The following DPYSL2 variants were observed in gnomAD, a reference collection of about 807,000 sequenced individuals.
DPYSL2 encodes the protein dihydropyrimidinase like 2.
DPYSL2 carries 13 observed loss-of-function variants against 69.9 expected under a neutral mutation model. The ratio of observed to expected loss-of-function variants is 0.19; its 90% CI spans 0.12 to 0.30. DPYSL2 has a LOEUF of 0.30. DPYSL2 is among the 10% of genes least tolerant of loss of function. DPYSL2 has a pLI of 1.00. For missense variants in DPYSL2, 587 were observed against 918.9 expected, an observed-to-expected ratio of 0.64 and a Z score of 4.67; for synonymous variants, 326 against 359.1, an observed-to-expected ratio of 0.91 and a Z score of 1.04.
intron 1 of DPYSL2, among the ~76,000 whole-genome samples, chr8:26,525,146 T>C (rs1446851250): frequency 3.9e-5 from 6 of 152,190 alleles, no homozygotes; most frequent in Non-Finnish European, 5.9e-5. Context: ...TTTGTAGTCA[T>C]TCTGACTTTA....
intron 1 of DPYSL2, among the ~76,000 whole-genome samples, chr8:26,548,914 C>T (rs912843403): frequency 4.0e-5 from 6 of 151,294 alleles, no homozygotes; most frequent in East Asian, 1.9e-4. Context: ...ATAGGCCGGG[C>T]GCAGTGGCTC....
intron 1 of DPYSL2, among the ~76,000 whole-genome samples, chr8:26,570,455 C>A (rs1801218466): frequency 2.0e-5 from 3 of 152,084 alleles, no homozygotes; most frequent in Admixed American, 2.0e-4. Context: ...AAAGAACTAG[C>A]CTTGGCCAGG....
chr8:26,529,424 G>A (rs1377293135), intron 1 of DPYSL2, among the ~76,000 whole-genome samples: 1 of 151,834 alleles, frequency 6.6e-6, no homozygotes, highest in African/African-American at 2.4e-5. Context: ...TGAACTCCTG[G>A]GCTCATGTGA....
rs1808251460 is a variant in DPYSL2 at position 26,514,897 on chromosome 8, C to G, written c.354+218C>G. Among the ~76,000 whole-genome samples the G allele has an allele frequency of 6.6e-6, 1 of 152,166 alleles. No individual in the cohort carries two copies. Among genetic ancestry groups the G allele is most frequent in the Non-Finnish European group, 1.5e-5 (1 of 68,018 alleles). On this transcript the variant is annotated intron_variant, in intron 1 of 13. Coordinates refer to ENST00000521913, the MANE Select transcript of DPYSL2 (RefSeq NM_001197293.3). This position sits in a 1 kb window ranked among gnomAD's most constrained non-coding sequence, Gnocchi z 8.4. The stretch of plus-strand genomic sequence containing the variant: ...GTGCGCCCACAAAGGCTGCCCGCGT[C>G]TCCTTGAGCTTGAGAGGTGGGGCGT...
intron 1 of DPYSL2, among the ~76,000 whole-genome samples, chr8:26,581,144 A>G (rs1801483215): frequency 6.6e-6 from 1 of 152,252 alleles, no homozygotes; most frequent in African/African-American, 2.4e-5. Flanking sequence ...GCTGTGATTT[A>G]CCTCAAAGAT....
intron 1 of DPYSL2, among the ~76,000 whole-genome samples, chr8:26,543,660 T>C (rs1449670469): frequency 6.6e-6 from 1 of 152,196 alleles, no homozygotes; most frequent in Non-Finnish European, 1.5e-5. Context: ...GCTAATTTTA[T>C]ATTTTTAGTA....
At chr8:26,611,435 T>C (rs925414032) in intron 3 of DPYSL2, among the ~76,000 whole-genome samples, 1 of 152,088 alleles carries the variant, frequency 6.6e-6, no homozygotes, top group African/African-American at 2.4e-5. Context: ...GACACGGTGG[T>C]GGTGGGGCCA....
Position 26,605,312 on chromosome 8 carries a change from A to AT in DPYSL2, c.629-18822dup, listed in dbSNP as rs568178323. On this transcript the variant is annotated intron_variant, in intron 3 of 13. Coordinates refer to ENST00000521913, the MANE Select transcript of DPYSL2 (RefSeq NM_001197293.3). The surrounding 1 kb of genome is among the most constrained non-coding windows in gnomAD (Gnocchi z 4.1). ...GGGGAGAAAATATAAGATTATTACT[A>AT]TTTTTTTTTATTGCCCAGGCTGGAG... Among the ~76,000 whole-genome samples, 5 of 151,004 alleles carry AT rather than the reference A, an allele frequency of 3.3e-5. No individual in the cohort carries two copies. The highest frequency in any genetic ancestry group is 2.1e-4 in the South Asian group (1 of 4,774).
intron 1 of DPYSL2, among the ~76,000 whole-genome samples, chr8:26,575,059 G>C (rs957493520): frequency 1.8e-4 from 28 of 152,156 alleles, no homozygotes; most frequent in African/African-American, 6.0e-4. Context: ...TCAGCCTCCC[G>C]AATGGCTGGG....
chr8:26,612,148 T>C (rs1439355560), intron 3 of DPYSL2, among the ~76,000 whole-genome samples: 1 of 152,176 alleles, frequency 6.6e-6, no homozygotes, highest in Non-Finnish European at 1.5e-5. Flanking sequence ...GACAGCCTGG[T>C]AGAGTGAAAA....
At chr8:26,623,535 A>G (rs548118184) in intron 3 of DPYSL2, among the ~76,000 whole-genome samples, 1 of 152,194 alleles carries the variant, frequency 6.6e-6, no homozygotes, top group Non-Finnish European at 1.5e-5. Context: ...GCTTGCATCC[A>G]AAGTCCTCAG....
rs1481634303 is a variant in DPYSL2, at chr8:26,516,155, T to G, written c.354+1476T>G. Among the ~76,000 whole-genome samples, 1 of 152,224 alleles carries G rather than the reference T, an allele frequency of 6.6e-6. No homozygotes were observed. The highest frequency in any genetic ancestry group is 1.5e-5 in the Non-Finnish European group (1 of 68,044). ...TCCAACCCCAGCCCTGCCCTCTAAT[T>G]TATTCATATAAGGGAGTGTCTCATA... On this transcript the variant is annotated intron_variant, in intron 1 of 13. Coordinates refer to ENST00000521913, the MANE Select transcript of DPYSL2 (RefSeq NM_001197293.3). This position sits in a 1 kb window ranked among gnomAD's most constrained non-coding sequence, Gnocchi z 4.8.
chr8:26,546,921 C>CAAAAAAAAAA (rs61360009), intron 1 of DPYSL2, among the ~76,000 whole-genome samples: 4 of 46,206 alleles, frequency 8.7e-5, no homozygotes, highest in Admixed American at 7.9e-4. Flanking sequence ...GACTCAGTCT[C>CAAAAAAAAAA]AAAAAAAAAA....
Position 26,610,137 on chromosome 8 carries a change from C to T in DPYSL2, c.629-14006C>T, listed in dbSNP as rs912896170. Among the ~76,000 whole-genome samples the T allele has an allele frequency of 3.3e-5, 5 of 152,176 alleles. No homozygotes were observed. Among genetic ancestry groups the T allele is most frequent in the East Asian group, 1.9e-4 (1 of 5,188 alleles). Reference sequence around the variant, plus strand: ...TGGAGATGTAACTGTCGTGATGTTTCGTGGGATCTGCAAGAGCCTGTAGCG... The same window carrying T: ...TGGAGATGTAACTGTCGTGATGTTTTGTGGGATCTGCAAGAGCCTGTAGCG... On this transcript the variant is annotated intron_variant, in intron 3 of 13. Transcript: ENST00000521913. This position sits in a 1 kb window ranked among gnomAD's most constrained non-coding sequence, Gnocchi z 4.5.
chr8:26,605,768 A>G lies in DPYSL2; in HGVS notation c.629-18375A>G, dbSNP rs1169677182. Among the ~76,000 whole-genome samples, 1 of 152,194 alleles carries G rather than the reference A, an allele frequency of 6.6e-6. No individual in the cohort carries two copies. Among genetic ancestry groups the G allele is most frequent in the Non-Finnish European group, 1.5e-5 (1 of 68,034 alleles). On this transcript the variant is annotated intron_variant, in intron 3 of 13. Transcript: ENST00000521913. This position sits in a 1 kb window ranked among gnomAD's most constrained non-coding sequence, Gnocchi z 4.1. ...AAAATATAAAATTACTAGGAATTAT[A>G]AGAATACATTCTTATATATGGAATC... is the stretch of plus-strand genomic sequence containing the variant.
At chr8:26,567,455 CTA>C (rs1350320970) in intron 1 of DPYSL2, among the ~76,000 whole-genome samples, 1 of 152,232 alleles carries the variant, frequency 6.6e-6, no homozygotes, top group African/African-American at 2.4e-5. Context: ...ATTTGTTTGC[CTA>C]TTACAGGCAA....
chr8:26,616,998 T>C (rs1281015807), intron 3 of DPYSL2, among the ~76,000 whole-genome samples: 1 of 152,234 alleles, frequency 6.6e-6, no homozygotes, highest in East Asian at 1.9e-4. Context: ...CTGTGGTACC[T>C]GCTCAACTGC....
Position 26,627,868 on chromosome 8 carries a change from G to T in DPYSL2, c.937-4G>T, listed in dbSNP as rs534170473. On this transcript the variant is annotated splice_polypyrimidine_tract_variant and splice_region_variant and intron_variant, in intron 6 of 13. Transcript: ENST00000521913. This position sits in a 1 kb window ranked among gnomAD's most constrained non-coding sequence, Gnocchi z 6.9. ...CACAGCCTGACTTTCTCTAAACATT[G>T]CAGGAGCAGCAGAGGATCCTGGATC... 13 of 1,613,508 alleles carry T rather than the reference G, an allele frequency of 8.1e-6. No individual in the cohort carries two copies. In the East Asian group the frequency reaches 2.5e-4, roughly 30 times the overall value.
At position 26,564,163 on chromosome 8, in the gene DPYSL2, C is replaced by T. The variant is rs888686349; in HGVS notation, c.355-17806C>T. Among the ~76,000 whole-genome samples the T allele has an allele frequency of 7.2e-5, 11 of 152,300 alleles. No homozygotes were observed. The South Asian group carries it at 1.7e-3, about 23-fold the overall frequency. ...CAGTTAAAATAAAGATCACAAAGTGCGCATTAGCTTCCAATTAGCATGCTG... is the reference window on the plus strand; with the variant it reads ...CAGTTAAAATAAAGATCACAAAGTGTGCATTAGCTTCCAATTAGCATGCTG... On this transcript the variant is annotated intron_variant, in intron 1 of 13. Transcript: ENST00000521913. This position sits in a 1 kb window ranked among gnomAD's most constrained non-coding sequence, Gnocchi z 4.8.
Sources: gnomAD v4.1 joint callset for allele counts (sites outside exome capture counted in the v4.1 genomes callset) on GRCh38, gnomAD v4.1.1 for gene constraint, Gnocchi (gnomAD v3.1) non-coding constraint, MANE v1.5 for transcripts, NCBI Gene and HGNC (gene_info 2026-07-23, HGNC 2026-07-21) for gene names.